ZFHX3: variants seen among roughly 807,000 people sequenced by gnomAD.
ZFHX3 encodes the protein zinc finger homeobox 3.
In ZFHX3, 42 loss-of-function variants were observed where a neutral mutation model predicts 279.1. The ratio of observed to expected loss-of-function variants is 0.15; its 90% CI spans 0.12 to 0.19. The LOEUF is 0.19. Ranked by LOEUF, ZFHX3 falls within the 10% of genes least tolerant of loss-of-function variation. The probability of loss-of-function intolerance (pLI) is 1.00; values close to 1 mark genes in which losing one functional copy is unlikely to be tolerated. For missense variants in ZFHX3, 4,981 were observed against 4,754.0 expected (o/e 1.05, Z -1.40); for synonymous variants, 2,293 against 1,957.8 (o/e 1.17, Z -4.52).
chr16:73,759,705 C>A (rs918779473), intron 1 of ZFHX3, among the ~76,000 whole-genome samples: 2 of 152,114 alleles, frequency 1.3e-5, no homozygotes, highest in Non-Finnish European at 2.9e-5. Context: ...TTCTCATAAA[C>A]CCTTAAACTG....
chr16:72,893,520 C>T (rs1037381271), intron 3 of ZFHX3, among the ~76,000 whole-genome samples: 1 of 152,010 alleles, frequency 6.6e-6, no homozygotes, highest in Non-Finnish European at 1.5e-5. Context: ...TTGAAATAAA[C>T]ATCATACCGG....
At chr16:73,589,380 G>A (rs1443800362) in intron 2 of ZFHX3, among the ~76,000 whole-genome samples, 4 of 147,488 alleles carry the variant, frequency 2.7e-5, no homozygotes, top group African/African-American at 5.0e-5. Flanking sequence ...AGATTGCAGT[G>A]TGCTATGATC....
chr16:73,042,248 A>C (rs1965146580), intron 1 of ZFHX3, among the ~76,000 whole-genome samples: 1 of 152,166 alleles, frequency 6.6e-6, no homozygotes, highest in Non-Finnish European at 1.5e-5. Context: ...GTCTTTCTGC[A>C]CTCGGCTAAT....
chr16:73,191,298 T>TC (rs780308053), intron 5 of ZFHX3, among the ~76,000 whole-genome samples: 1 of 151,624 alleles, frequency 6.6e-6, no homozygotes, highest in Non-Finnish European at 1.5e-5. Flanking sequence ...GTTCCGTGGC[T>TC]CCCCCCGGCC....
chr16:73,778,987 T>C (rs889418069), intron 1 of ZFHX3, among the ~76,000 whole-genome samples: 6 of 152,218 alleles, frequency 3.9e-5, no homozygotes, highest in Non-Finnish European at 8.8e-5. Flanking sequence ...AACTGTTTTC[T>C]CTGAACACCT....
At chr16:73,244,906 G>A (rs34530774) in intron 5 of ZFHX3, among the ~76,000 whole-genome samples, 43,910 of 152,008 alleles carry the variant, frequency 0.29, 6,589 homozygotes, top group African/African-American at 0.34. Flanking sequence ...CCCTTTCCCA[G>A]TTCACTCCCC....
chr16:73,163,344 A>G (rs1967284652), intron 5 of ZFHX3, among the ~76,000 whole-genome samples: 3 of 152,214 alleles, frequency 2.0e-5, no homozygotes, highest in South Asian at 2.1e-4. Flanking sequence ...GGCACTGGGA[A>G]AGGGACTTAA....
Position 72,895,032 on chromosome 16 carries a change from G to A in ZFHX3, c.3217-5070C>T, listed in dbSNP as rs867005364. Among the ~76,000 whole-genome samples the A allele has an allele frequency of 1.4e-4, 22 of 152,156 alleles. 1 individual carries two copies. The highest frequency in any genetic ancestry group is 4.6e-4 in the Admixed American group (7 of 15,272). On this transcript the variant is annotated intron_variant, in intron 3 of 9. Transcript: ENST00000268489. ...CAGTGTGCTGGGATGCATGCCAACC[G>A]GGGACCCAAAGAAAACCAGCTGGTG...
intron 3 of ZFHX3, among the ~76,000 whole-genome samples, chr16:73,329,090 T>C (rs1026133316): frequency 2.0e-5 from 3 of 152,258 alleles, no homozygotes; most frequent in Non-Finnish European, 2.9e-5. Context: ...ATCAGCCTCA[T>C]TGGTAGTTTG....
intron 2 of ZFHX3, among the ~76,000 whole-genome samples, chr16:73,662,006 A>AT (rs371669198): frequency 0.21 from 29,322 of 141,704 alleles, 3,195 homozygotes; most frequent in South Asian, 0.23. Context: ...CAACGGACCA[A>AT]TTTTTTTTTT....
At chr16:73,368,542 T>C (rs1004991250) in intron 3 of ZFHX3, among the ~76,000 whole-genome samples, 4 of 152,186 alleles carry the variant, frequency 2.6e-5, no homozygotes, top group South Asian at 2.1e-4. Flanking sequence ...TATTAAACTA[T>C]GATAAATGCT....
intron 2 of ZFHX3, among the ~76,000 whole-genome samples, chr16:73,460,940 A>C (rs1159260232): frequency 6.6e-6 from 1 of 152,314 alleles, no homozygotes; most frequent in East Asian, 1.9e-4. Flanking sequence ...TGCCAGCATC[A>C]TGCTTCCTGT....
At chr16:73,352,325 T>G (rs901723851) in intron 3 of ZFHX3, among the ~76,000 whole-genome samples, 7 of 152,142 alleles carry the variant, frequency 4.6e-5, no homozygotes, top group Admixed American at 2.0e-4. Context: ...AATAGCTCGG[T>G]AAGCATGGGC....
chr16:73,562,591 G>A (rs1393126090), intron 2 of ZFHX3, among the ~76,000 whole-genome samples: 5 of 86,364 alleles, frequency 5.8e-5, no homozygotes, highest in African/African-American at 1.1e-4. Flanking sequence ...GCCAGACTCC[G>A]TCTCAAAAAA....
chr16:73,483,203 T>C, intron 2 of ZFHX3: 1 of 347,658 alleles, frequency 2.9e-6, no homozygotes, highest in Non-Finnish European at 5.6e-6. Context: ...AGAGAACGCG[T>C]GGGCCCCTGC....
At chr16:73,657,922 T>G (rs1485006683) in intron 2 of ZFHX3, among the ~76,000 whole-genome samples, 2 of 152,248 alleles carry the variant, frequency 1.3e-5, no homozygotes, top group Non-Finnish European at 2.9e-5. Flanking sequence ...TGTGTACCAG[T>G]TTTTCTATGA....
intron 4 of ZFHX3, among the ~76,000 whole-genome samples, chr16:72,858,781 G>A (rs2037814403): frequency 6.6e-6 from 1 of 152,242 alleles, no homozygotes; most frequent in Non-Finnish European, 1.5e-5. Flanking sequence ...ATTTACGCAC[G>A]AGCTGCCGCA....
intron 2 of ZFHX3, among the ~76,000 whole-genome samples, chr16:73,481,379 T>TTGAC (rs1478620671): frequency 1.3e-5 from 2 of 151,852 alleles, no homozygotes; most frequent in Non-Finnish European, 2.9e-5. Flanking sequence ...GCCAGCCAAG[T>TTGAC]TGACACATTG....
chr16:72,805,590 A>AAGTT (rs1411908049), intron 7 of ZFHX3, among the ~76,000 whole-genome samples: 1 of 152,178 alleles, frequency 6.6e-6, no homozygotes, highest in African/African-American at 2.4e-5. Context: ...ATTAAGCATG[A>AAGTT]AGTTAAAAGC....
Sources: allele counts gnomAD v4.1 joint callset (sites outside exome capture counted in the v4.1 genomes callset), GRCh38; gene constraint gnomAD v4.1.1; transcripts MANE v1.5; gene names NCBI Gene and HGNC (gene_info 2026-07-23, HGNC 2026-07-21).